FAF1: variants seen among roughly 807,000 people sequenced by gnomAD.
FAF1 encodes FAS-associated factor 1.
A neutral mutation model predicts 92.5 loss-of-function variants in FAF1; 25 were observed. That is an observed-to-expected ratio of 0.27 (90% CI 0.20 to 0.38). The LOEUF (loss-of-function observed/expected upper bound fraction) is 0.38. FAF1 is among the 10% of genes least tolerant of loss of function. The probability of loss-of-function intolerance (pLI) is 1.00; values close to 1 mark genes in which losing one functional copy is unlikely to be tolerated. For synonymous variants in FAF1, 234 were observed against 273.2 expected (o/e 0.86, Z 1.42); for missense variants, 636 against 793.3 (o/e 0.80, Z 2.38).
chr1:50,648,388 C>T (rs998714000), intron 8 of FAF1, among the ~76,000 whole-genome samples: 8 of 151,944 alleles, frequency 5.3e-5, no homozygotes, highest in African/African-American at 1.2e-4. Context: ...CAAGTATATT[C>T]GAAAAATAGT....
chr1:50,931,887 TAAA>T (rs1187148715), intron 1 of FAF1, among the ~76,000 whole-genome samples: 2 of 31,700 alleles, frequency 6.3e-5, no homozygotes, highest in Non-Finnish European at 1.4e-4. Flanking sequence ...AATAAATAAA[TAAA>T]TAATAATAAT....
intron 4 of FAF1, among the ~76,000 whole-genome samples, chr1:50,749,758 T>G (rs539637521): frequency 1.3e-3 from 202 of 151,542 alleles, no homozygotes; most frequent in African/African-American, 4.7e-3. Context: ...CACTGCACTC[T>G]ATCCTGGATG....
intron 13 of FAF1, among the ~76,000 whole-genome samples, chr1:50,549,824 T>C (rs1649216725): frequency 6.6e-6 from 1 of 152,070 alleles, no homozygotes; most frequent in Non-Finnish European, 1.5e-5. Flanking sequence ...ACTTGCTATA[T>C]TGCCCAGGCT....
chr1:50,885,312 T>A (rs147835447), intron 1 of FAF1, among the ~76,000 whole-genome samples: 28 of 137,438 alleles, frequency 2.0e-4, no homozygotes, highest in East Asian at 6.3e-4. Context: ...TCTCTCTCTC[T>A]CACACACACA....
At chr1:50,692,344 A>G (rs974805689) in intron 7 of FAF1, among the ~76,000 whole-genome samples, 2 of 150,946 alleles carry the variant, frequency 1.3e-5, no homozygotes, top group African/African-American at 4.9e-5. Flanking sequence ...TATATAACAC[A>G]TTACTAAATA....
intron 12 of FAF1, among the ~76,000 whole-genome samples, chr1:50,580,494 G>A (rs972854377): frequency 6.6e-6 from 1 of 151,496 alleles, no homozygotes; most frequent in Admixed American, 6.6e-5. Flanking sequence ...GTAGGTATAG[G>A]GGATTTGGCT....
At chr1:50,846,601 A>G (rs1194277341) in intron 2 of FAF1, 1 of 532,518 alleles carries the variant, frequency 1.9e-6, no homozygotes, top group Admixed American at 2.0e-5. Flanking sequence ...TGGGTGAGTG[A>G]GCGCTTCCTT....
rs529134569 is a variant in FAF1 at position 50,642,943 on chromosome 1, C to T, written c.744+12499G>A. ...GCAACCTCTGCCTCCCAGGTTCAAGCGATTTTCCTGCCTCAGCCTCCCAAG... is the reference window on the plus strand; with the variant it reads ...GCAACCTCTGCCTCCCAGGTTCAAGTGATTTTCCTGCCTCAGCCTCCCAAG... On this transcript the variant is annotated intron_variant, in intron 8 of 18. Transcript: ENST00000396153. Among the ~76,000 whole-genome samples the T allele has an allele frequency of 8.3e-4, 127 of 152,104 alleles. 1 individual carries two copies. Among genetic ancestry groups the T allele is most frequent in the African/African-American group, 2.9e-3 (122 of 41,510 alleles).
chr1:50,742,376 A>G (rs1370631112), intron 5 of FAF1, among the ~76,000 whole-genome samples: 2 of 137,750 alleles, frequency 1.5e-5, no homozygotes, highest in Admixed American at 1.5e-4. Context: ...GCTGTGTTCA[A>G]ATTTGGGAGG....
chr1:50,518,633 A>G (rs570027402), intron 15 of FAF1, among the ~76,000 whole-genome samples: 199 of 151,894 alleles, frequency 1.3e-3, no homozygotes, highest in African/African-American at 4.6e-3. Flanking sequence ...GTAGAGACGG[A>G]GTTTCACCGT....
chr1:50,740,643 C>G (rs1270818988), intron 5 of FAF1, among the ~76,000 whole-genome samples: 3 of 152,014 alleles, frequency 2.0e-5, no homozygotes, highest in Admixed American at 2.0e-4. Context: ...ATGCTGCTGA[C>G]TATAACCCAC....
At chr1:50,612,315 G>A (rs1652719807) in intron 8 of FAF1, 1 of 1,197,810 alleles carries the variant, frequency 8.3e-7, no homozygotes, top group East Asian at 6.0e-5. Context: ...CAGTTACAAT[G>A]AAAAGGTTAT....
intron 7 of FAF1, among the ~76,000 whole-genome samples, chr1:50,663,880 T>C (rs1655503115): frequency 6.6e-6 from 1 of 151,758 alleles, no homozygotes; most frequent in African/African-American, 2.4e-5. Flanking sequence ...CAATTTCATT[T>C]GGATGATGTG....
At chr1:50,681,915 C>T (rs1656444368) in intron 7 of FAF1, among the ~76,000 whole-genome samples, 1 of 151,882 alleles carries the variant, frequency 6.6e-6, no homozygotes, top group Non-Finnish European at 1.5e-5. Flanking sequence ...CTCATTGCAA[C>T]TTCCACCTCC....
At chr1:50,858,892 T>A (rs765511832) in intron 1 of FAF1, among the ~76,000 whole-genome samples, 4 of 151,764 alleles carry the variant, frequency 2.6e-5, no homozygotes, top group Non-Finnish European at 5.9e-5. Context: ...GGCATTTTAT[T>A]CTCAGGCCAC....
rs751039639 is a variant in FAF1, at chr1:50,539,624, C to T, written c.1373G>A (p.Arg458Gln). 4 of 1,612,780 alleles carry T rather than the reference C, an allele frequency of 2.5e-6. No individual in the cohort carries two copies. The highest frequency in any genetic ancestry group is 1.3e-5 in the African/African-American group (1 of 75,006). ...FPLFLIIMGK[R>Q]SSNEVLNVIQ... ...CACATTCAACACTTCATTAGATGATCGCTTTCCCATAATAATCAGGAAAAG... is the reference window on the plus strand; with the variant it reads ...CACATTCAACACTTCATTAGATGATTGCTTTCCCATAATAATCAGGAAAAG... Residue 458 changes from arginine (R) to glutamine (Q), a missense_variant, in exon 14 of 19, where the codon CGA becomes CAA. Arg to Gln is a conservative substitution (Grantham distance 43). Around this residue, in one of 2 missense-constraint regions of FAF1, gnomAD observed 319 missense variants for 451.0 expected, o/e 0.71. Transcript: ENST00000396153.
intron 8 of FAF1, among the ~76,000 whole-genome samples, chr1:50,608,738 A>G (rs1652543151): frequency 6.6e-6 from 1 of 152,186 alleles, no homozygotes; most frequent in African/African-American, 2.4e-5. Flanking sequence ...TGGTAGGTAG[A>G]TGTCACTATA....
chr1:50,717,565 A>T (rs1402536571), intron 6 of FAF1, among the ~76,000 whole-genome samples: 1 of 152,234 alleles, frequency 6.6e-6, no homozygotes, highest in Non-Finnish European at 1.5e-5. Context: ...CTGTATTCAT[A>T]GTACTCAAGT....
At chr1:50,710,149 T>G (rs548576210) in intron 6 of FAF1, among the ~76,000 whole-genome samples, 44 of 152,322 alleles carry the variant, frequency 2.9e-4, no homozygotes, top group African/African-American at 9.6e-4. Context: ...TCCTTTACCT[T>G]TACATATGAA....
Sources: gnomAD v4.1 joint callset for allele counts (sites outside exome capture counted in the v4.1 genomes callset) on GRCh38, gnomAD v4.1.1 for gene constraint, gnomAD v4.1.1 regional missense constraint, MANE v1.5 for transcripts, NCBI Gene and HGNC (gene_info 2026-07-23, HGNC 2026-07-21) for gene names.